EEFSEC: variants seen among roughly 807,000 people sequenced by gnomAD.
The protein encoded by EEFSEC is selenocysteine-specific elongation factor.
A neutral mutation model predicts 42.1 loss-of-function variants in EEFSEC; 43 were observed. That is an observed-to-expected ratio of 1.02 (90% CI 0.80 to 1.32). EEFSEC has a LOEUF of 1.32. Among genes scored for constraint, EEFSEC ranks in the 40% most tolerant of loss-of-function variants. The pLI, the probability that EEFSEC is intolerant of heterozygous loss-of-function variation, is 0.00. For missense variants in EEFSEC, 745 were observed against 803.6 expected (o/e 0.93, Z 0.88); for synonymous variants, 354 against 339.1 (o/e 1.04, Z -0.48).
chr3:128,227,374 T>G (rs1430139365), intron 1 of EEFSEC, among the ~76,000 whole-genome samples: 1 of 151,756 alleles, frequency 6.6e-6, no homozygotes, highest in Non-Finnish European at 1.5e-5. Flanking sequence ...TTAGGTCCAC[T>G]CTCGCAGGCT....
chr3:128,412,820 G>A (rs1186995450), downstream of EEFSEC, among the ~76,000 whole-genome samples: 1 of 152,216 alleles, frequency 6.6e-6, no homozygotes, highest in Non-Finnish European at 1.5e-5. Flanking sequence ...AGTGGGGCTC[G>A]CAAGGCTCTA....
At chr3:128,409,956 A>G (rs573464578), downstream of EEFSEC, among the ~76,000 whole-genome samples, 216 of 152,318 alleles carry the variant, frequency 1.4e-3, 4 homozygotes, top group African/African-American at 4.9e-3. Flanking sequence ...AGCCCACACC[A>G]GGCTCCCTGC....
chr3:128,401,221 G>T (rs1576706435), intron 6 of EEFSEC, among the ~76,000 whole-genome samples: 1 of 152,222 alleles, frequency 6.6e-6, no homozygotes, highest in South Asian at 2.1e-4. Context: ...TCACTCAAGG[G>T]CAGACAGGTG....
chr3:128,248,798 T>C (rs1316984930), intron 2 of EEFSEC, among the ~76,000 whole-genome samples: 1 of 152,230 alleles, frequency 6.6e-6, no homozygotes, highest in Non-Finnish European at 1.5e-5. Flanking sequence ...GTAATAGTTT[T>C]GATTAAATTT....
intron 6 of EEFSEC, among the ~76,000 whole-genome samples, chr3:128,390,701 G>A (rs984604061): frequency 2.6e-5 from 4 of 152,146 alleles, no homozygotes; most frequent in Admixed American, 1.3e-4. Context: ...GCAGCCAGAG[G>A]GCCCCTGCCC....
intron 4 of EEFSEC, among the ~76,000 whole-genome samples, chr3:128,265,952 G>T (rs987760189): frequency 9.9e-5 from 15 of 152,178 alleles, no homozygotes. Flanking sequence ...AAATAGATAC[G>T]TTTTTTAAGG....
At chr3:128,176,282 G>T (rs572168027) in intron 1 of EEFSEC, among the ~76,000 whole-genome samples, 1 of 151,836 alleles carries the variant, frequency 6.6e-6, no homozygotes, top group African/African-American at 2.4e-5. Flanking sequence ...GTGATAATCC[G>T]ATTGGAGAGA....
intron 2 of EEFSEC, among the ~76,000 whole-genome samples, chr3:128,260,223 T>C (rs1489013131): frequency 6.6e-6 from 1 of 152,166 alleles, no homozygotes; most frequent in East Asian, 1.9e-4. Flanking sequence ...CAGCTGCAAA[T>C]CTTATTATGG....
chr3:128,416,309 A>T, the EEFSEC span, among the ~76,000 whole-genome samples: 1 of 152,228 alleles, frequency 6.6e-6, no homozygotes, highest in Non-Finnish European at 1.5e-5. Context: ...ACAGTGCAGC[A>T]GGGCCCCGGC....
At chr3:128,345,259 C>A (rs763927182) in intron 5 of EEFSEC, among the ~76,000 whole-genome samples, 1 of 152,174 alleles carries the variant, frequency 6.6e-6, no homozygotes, top group African/African-American at 2.4e-5. Context: ...AATGTTTAAG[C>A]TCTTAGAGTC....
At chr3:128,326,594 T>A (rs2067066438) in intron 4 of EEFSEC, among the ~76,000 whole-genome samples, 1 of 152,134 alleles carries the variant, frequency 6.6e-6, no homozygotes, top group South Asian at 2.1e-4. Flanking sequence ...GGCTCAGAAG[T>A]GCTTCTCTTC....
chr3:128,375,543 C>T (rs1054701250), intron 6 of EEFSEC, among the ~76,000 whole-genome samples: 6 of 152,172 alleles, frequency 3.9e-5, no homozygotes, highest in Admixed American at 2.0e-4. Context: ...CGCAGGCCAC[C>T]CTCCAGCCCT....
intron 4 of EEFSEC, among the ~76,000 whole-genome samples, chr3:128,325,553 T>A (rs868240159): frequency 6.6e-6 from 1 of 152,218 alleles, no homozygotes; most frequent in Non-Finnish European, 1.5e-5. Context: ...TAAGAGTCTT[T>A]GCAGCCTCAG....
At chr3:128,207,252 C>G (rs1429860120) in intron 1 of EEFSEC, among the ~76,000 whole-genome samples, 2 of 135,396 alleles carry the variant, frequency 1.5e-5, no homozygotes, top group East Asian at 2.5e-4. Flanking sequence ...TCCCTCCCCC[C>G]TCCCTCCATT....
chr3:128,308,661 A>G (rs1336059301), intron 4 of EEFSEC, among the ~76,000 whole-genome samples: 2 of 152,208 alleles, frequency 1.3e-5, no homozygotes, highest in Non-Finnish European at 2.9e-5. Context: ...AATACAACCT[A>G]TAGAAAGGGA....
chr3:128,357,650 G>A (rs890073768), intron 5 of EEFSEC, among the ~76,000 whole-genome samples: 18 of 152,110 alleles, frequency 1.2e-4, no homozygotes, highest in Non-Finnish European at 1.5e-5. Context: ...CCAGGCTCTC[G>A]GGCTCCTGTG....
chr3:128,191,943 CT>C (rs1328737097), intron 1 of EEFSEC, among the ~76,000 whole-genome samples: 2 of 152,008 alleles, frequency 1.3e-5, no homozygotes, highest in Non-Finnish European at 2.9e-5. Context: ...CTGTTTGATT[CT>C]TGTTTTCAAG....
chr3:128,313,104 G>A (rs536370062), intron 4 of EEFSEC, among the ~76,000 whole-genome samples: 2 of 152,296 alleles, frequency 1.3e-5, no homozygotes, highest in African/African-American at 4.8e-5. Flanking sequence ...GGAAGCACCT[G>A]GGATGTTGTA....
At chr3:128,294,083 G>A (rs1464641125) in intron 4 of EEFSEC, among the ~76,000 whole-genome samples, 1 of 152,216 alleles carries the variant, frequency 6.6e-6, no homozygotes, top group Non-Finnish European at 1.5e-5. Flanking sequence ...ATCCAGAGGA[G>A]AGAGCCAGCT....
Sources: gnomAD v4.1 joint callset for allele counts (sites outside exome capture counted in the v4.1 genomes callset) on GRCh38, gnomAD v4.1.1 for gene constraint, MANE v1.5 for transcripts, NCBI Gene and HGNC (gene_info 2026-07-23, HGNC 2026-07-21) for gene names.